Variants in PCSK5 observed in about 807,000 individuals in gnomAD.
The protein encoded by PCSK5 is prohormone convertase 5.
Under a neutral mutation model 233.2 loss-of-function variants are expected in PCSK5, and 129 were observed. That is an observed-to-expected ratio of 0.55 (90% confidence interval 0.48 to 0.64). PCSK5 has a LOEUF of 0.64. Among genes scored for constraint, PCSK5 ranks in the 30% least tolerant of loss-of-function variants. PCSK5 has a pLI of 0.00. For missense variants in PCSK5, 2,076 were observed against 2,430.1 expected (o/e 0.85, Z 3.06); for synonymous variants, 825 against 879.2 (o/e 0.94, Z 1.09).
At chr9:76,276,985 T>TG (rs1170366794) in intron 24 of PCSK5, among the ~76,000 whole-genome samples, 14 of 152,132 alleles carry the variant, frequency 9.2e-5, no homozygotes, top group Non-Finnish European at 1.5e-4. Flanking sequence ...CCCAGCATTG[T>TG]GGGAGGCCAA....
chr9:75,891,094 G>GGGGCTGCGAGCTGC lies in PCSK5; in HGVS notation c.-86_-85insGCTGCGAGCTGCGG. On this transcript the variant is annotated 5_prime_UTR_variant, in exon 1 of 38. Coordinates refer to ENST00000674117, the MANE Select transcript of PCSK5 (RefSeq NM_001372043.1). Reference sequence around the variant, plus strand: ...CTGCGGCGGCCCGGGGCTGCTCGCCGGGCGGCGCAGGCCGGAGAAGTTAGT... The same window carrying GGGGCTGCGAGCTGC: ...CTGCGGCGGCCCGGGGCTGCTCGCCGGGGCTGCGAGCTGCGGCGGCGCAGGCCGGAGAAGTTAGT... 1 of 1,248,108 alleles carries GGGGCTGCGAGCTGC rather than the reference G, an allele frequency of 8.0e-7. No homozygotes were observed. The highest frequency in any genetic ancestry group is 1.0e-6 in the Non-Finnish European group (1 of 968,606). 77.3% of individuals were successfully genotyped at this position (1,248,108 alleles called of 1,614,324 possible). A position where few individuals can be genotyped will look rare whatever the true frequency, so the allele number is the denominator to read the frequency against.
At chr9:76,271,563 AG>A (rs1827512216) in intron 24 of PCSK5, among the ~76,000 whole-genome samples, 1 of 152,162 alleles carries the variant, frequency 6.6e-6, no homozygotes, top group African/African-American at 2.4e-5. Flanking sequence ...TTAGGCCGGC[AG>A]GGGGCTGACA....
At chr9:75,931,555 G>C (rs1294363711) in intron 1 of PCSK5, among the ~76,000 whole-genome samples, 3 of 152,176 alleles carry the variant, frequency 2.0e-5, no homozygotes, top group Non-Finnish European at 4.4e-5. Context: ...TCAATGCATA[G>C]TTCAATTTTC....
At chr9:75,962,962 C>T (rs1825419596) in intron 2 of PCSK5, among the ~76,000 whole-genome samples, 1 of 152,210 alleles carries the variant, frequency 6.6e-6, no homozygotes, top group Non-Finnish European at 1.5e-5. Context: ...CAATCACTAG[C>T]TGTGGGAACA....
chr9:76,293,420 C>A (rs1272249492), intron 25 of PCSK5, among the ~76,000 whole-genome samples: 4 of 152,166 alleles, frequency 2.6e-5, no homozygotes, highest in Non-Finnish European at 4.4e-5. Flanking sequence ...CACATCACTG[C>A]ACTCCTGACC....
At chr9:76,325,337 T>G (rs1284717011) in intron 32 of PCSK5, among the ~76,000 whole-genome samples, 1 of 152,186 alleles carries the variant, frequency 6.6e-6, no homozygotes, top group Non-Finnish European at 1.5e-5. Flanking sequence ...TCTCAGAGTA[T>G]GTTTTCTTAA....
chr9:76,193,261 G>T, intron 20 of PCSK5: 1 of 1,613,530 alleles, frequency 6.2e-7, no homozygotes, highest in South Asian at 1.1e-5. Context: ...TGGGCGGAAG[G>T]AGGCTTCTGT....
rs765203389 is a variant in PCSK5 at position 76,328,107 on chromosome 9, G to A, written c.4438G>A (p.Glu1480Lys). ...MNPRGSCMANEKCSPSEYWDE... is the reference protein window; with the variant it reads ...MNPRGSCMANKKCSPSEYWDE... ...CCCTCGTGGGAGCTGCATGGCCAAC[G>A]AGAAGTGCTCACCCTCCGAGTACTG... The change falls in exon 33 of 38, where the codon GAG becomes AAG. Residue 1480 changes from glutamate (E) to lysine (K), a missense_variant. Around this residue, in one of 6 missense-constraint regions of PCSK5, gnomAD observed 1,510 missense variants for 1,538.1 expected, o/e 0.98. Transcript: ENST00000674117. 70 of 1,612,842 alleles carry A rather than the reference G, an allele frequency of 4.3e-5. No individual in the cohort carries two copies. The Admixed American group carries it at 6.5e-4, about 15-fold the overall frequency.
At chr9:75,909,291 A>G (rs1564075419) in intron 1 of PCSK5, among the ~76,000 whole-genome samples, 2 of 151,494 alleles carry the variant, frequency 1.3e-5, no homozygotes, top group East Asian at 3.9e-4. Flanking sequence ...GCGCCACTGC[A>G]CTCCAGCCTG....
chr9:76,358,572 C>G lies in PCSK5; in HGVS notation c.5314C>G (p.Leu1772Val). The change falls in exon 38 of 38, where the codon CTG becomes GTG. Residue 1772 changes from leucine (L) to valine (V), a missense_variant. By Grantham distance (32) the Leu-to-Val change is conservative. This residue lies in a region of PCSK5 where 1,510 missense variants were observed against 1,538.1 expected (regional missense o/e 0.98). Coordinates refer to ENST00000674117, the MANE Select transcript of PCSK5 (RefSeq NM_001372043.1). ...TGCAACTGAGCATTTCAAGACAGCTCTGTTCATCACCTCCTCCATGATGCT... is the reference window on the plus strand; with the variant it reads ...TGCAACTGAGCATTTCAAGACAGCTGTGTTCATCACCTCCTCCATGATGCT... ...RPATEHFKTA[L>V]FITSSMMLVL... The G allele has an allele frequency of 1.2e-6, 2 of 1,612,814 alleles. No homozygotes were observed. The highest frequency in any genetic ancestry group is 8.5e-7 in the Non-Finnish European group (1 of 1,179,856).
intron 24 of PCSK5, among the ~76,000 whole-genome samples, chr9:76,272,850 T>G (rs1010072950): frequency 6.6e-6 from 1 of 151,412 alleles, no homozygotes; most frequent in Non-Finnish European, 1.5e-5. Flanking sequence ...ATCATTGATC[T>G]TCAGCCACTG....
At chr9:75,901,888 T>C (rs1826052818) in intron 1 of PCSK5, among the ~76,000 whole-genome samples, 10 of 152,114 alleles carry the variant, frequency 6.6e-5, no homozygotes, top group Admixed American at 6.5e-4. Flanking sequence ...GTTTTGTGCC[T>C]TTCTCATGAA....
At chr9:76,194,195 T>C (rs562142666) in intron 20 of PCSK5, 1 of 152,458 alleles carries the variant, frequency 6.6e-6, no homozygotes, top group South Asian at 2.1e-4. Flanking sequence ...GTGTTAACTT[T>C]GTAGACCCTG....
At chr9:76,064,161 G>T (rs1830158043) in intron 5 of PCSK5, among the ~76,000 whole-genome samples, 4 of 125,268 alleles carry the variant, frequency 3.2e-5, no homozygotes, top group South Asian at 2.7e-4. Flanking sequence ...CCTCCCGGAC[G>T]GGGCGGCTGG....
intron 1 of PCSK5, among the ~76,000 whole-genome samples, chr9:75,922,192 A>G (rs1375714270): frequency 6.6e-6 from 1 of 152,250 alleles, no homozygotes; most frequent in Non-Finnish European, 1.5e-5. Flanking sequence ...ACAGAAATAT[A>G]GATTTCTGTC....
intron 2 of PCSK5, among the ~76,000 whole-genome samples, chr9:75,957,265 A>G (rs192592938): frequency 6.6e-6 from 1 of 152,172 alleles, no homozygotes; most frequent in Non-Finnish European, 1.5e-5. Context: ...CAAGTGATCC[A>G]TAAGATGGCT....
chr9:75,890,804 C>T lies in PCSK5; in HGVS notation c.-378C>T, dbSNP rs1353262264. On this transcript the variant is annotated 5_prime_UTR_variant, in exon 1 of 38. Coordinates refer to ENST00000674117, the MANE Select transcript of PCSK5 (RefSeq NM_001372043.1). ...GTACCGCTCCCGCTGGTCATCTCCGCCGCGCTCGGGGGCCCCGGGAGGAGC... is the reference window on the plus strand; with the variant it reads ...GTACCGCTCCCGCTGGTCATCTCCGTCGCGCTCGGGGGCCCCGGGAGGAGC... The T allele has an allele frequency of 1.0e-5, 2 of 191,694 alleles. No individual in the cohort carries two copies. The highest frequency in any genetic ancestry group is 4.6e-5 in the African/African-American group (2 of 43,164). 11.9% of individuals were successfully genotyped at this position (191,694 alleles called of 1,614,324 possible).
At chr9:76,039,189 G>A (rs1828991147) in intron 5 of PCSK5, among the ~76,000 whole-genome samples, 1 of 152,122 alleles carries the variant, frequency 6.6e-6, no homozygotes, top group African/African-American at 2.4e-5. Context: ...TTCTCATTGT[G>A]TTTTTATAAG....
At chr9:76,340,352 A>C (rs989254946) in intron 35 of PCSK5, among the ~76,000 whole-genome samples, 2 of 152,164 alleles carry the variant, frequency 1.3e-5, no homozygotes, top group African/African-American at 4.8e-5. Context: ...TTCAGCTATA[A>C]GATCTTCAAA....
Sources: allele counts gnomAD v4.1 joint callset (sites outside exome capture counted in the v4.1 genomes callset), GRCh38; gene constraint gnomAD v4.1.1; regional missense constraint gnomAD v4.1.1; transcripts MANE v1.5; gene names NCBI Gene and HGNC (gene_info 2026-07-23, HGNC 2026-07-21).